The following PRKX variants were observed in gnomAD, a reference collection of about 807,000 sequenced individuals.
PRKX encodes cAMP-dependent protein kinase catalytic subunit PRKX.
In PRKX, 12 loss-of-function variants were observed where a neutral mutation model predicts 22.0. That is an observed-to-expected ratio of 0.54 (90% CI 0.35 to 0.88). The LOEUF is 0.88. PRKX is among the 40% of genes least tolerant of loss of function. The probability of loss-of-function intolerance (pLI) is 0.01; values close to 1 mark genes in which losing one functional copy is unlikely to be tolerated. For missense variants in PRKX, 217 were observed against 308.0 expected (o/e 0.70, Z 2.21); for synonymous variants, 134 against 137.7 (o/e 0.97, Z 0.19).
Position 3,640,646 on chromosome X carries a change from G to A in PRKX, c.719+1206C>T, listed in dbSNP as rs770175602. 8.1e-5 allele frequency among the ~76,000 whole-genome samples: 9 copies of A among 111,628 alleles called. No individual in the cohort carries two copies. The South Asian group carries it at 3.5e-3, about 43-fold the overall frequency. On this transcript the variant is annotated intron_variant, in intron 4 of 8. Coordinates refer to ENST00000262848, the MANE Select transcript of PRKX (RefSeq NM_005044.5). ...CTCACCCAACACAGGTATCACAGGC[G>A]TTGGAACGAGAGTAACTCCATCCTG...
rs145316669 is a variant in PRKX, at chrX:3,662,388, C to A, written c.336-6976G>T. 5.9e-3 allele frequency among the ~76,000 whole-genome samples: 653 copies of A among 110,870 alleles called. 8 individuals are homozygous for A. Among genetic ancestry groups the A allele is most frequent in the African/African-American group, 0.02 (618 of 30,509 alleles). ...CAGCCTAGGCAACAAAGCAAGATCA[C>A]GTCTCTACAAAAAATTAAAAATTAG... On this transcript the variant is annotated intron_variant, in intron 2 of 8. Transcript: ENST00000262848.
intron 1 of PRKX, among the ~76,000 whole-genome samples, chrX:3,700,968 C>T (rs1180149930): frequency 2.7e-5 from 3 of 111,926 alleles, no homozygotes; most frequent in Non-Finnish European, 5.6e-5. Context: ...TGTTTAAGGA[C>T]GAACTAAAGA....
intron 1 of PRKX, among the ~76,000 whole-genome samples, chrX:3,707,587 C>T (rs1323191387): frequency 7.2e-5 from 8 of 110,975 alleles, no homozygotes; most frequent in Admixed American, 3.8e-4. Context: ...GAGACCCTGT[C>T]TCTTTTATTT....
chrX:3,640,808 C>T (rs1603473760), intron 4 of PRKX, among the ~76,000 whole-genome samples: 2 of 111,789 alleles, frequency 1.8e-5, no homozygotes, highest in Admixed American at 9.5e-5. Context: ...AAACAGACTG[C>T]AGTAAAGCCG....
chrX:3,673,095 A>G (rs1927880212), intron 2 of PRKX, among the ~76,000 whole-genome samples: 1 of 111,771 alleles, frequency 8.9e-6, no homozygotes, highest in Non-Finnish European at 1.9e-5. Flanking sequence ...CATTGGGTCT[A>G]GAGGAGAAGG....
chrX:3,667,059 G>A (rs1297021803), intron 2 of PRKX, among the ~76,000 whole-genome samples: 2 of 111,055 alleles, frequency 1.8e-5, no homozygotes, highest in Non-Finnish European at 3.8e-5. Context: ...TCAACATGAA[G>A]AAAGAGTCAA....
intron 1 of PRKX, among the ~76,000 whole-genome samples, chrX:3,688,717 T>TTG: frequency 9.1e-6 from 1 of 109,544 alleles, no homozygotes; most frequent in South Asian, 4.0e-4. Context: ...AAATTTTTTT[T>TTG]AATGAGCCGG....
intron 6 of PRKX, among the ~76,000 whole-genome samples, chrX:3,617,943 A>C (rs1432133365): frequency 2.0e-5 from 2 of 99,927 alleles, no homozygotes; most frequent in African/African-American, 3.7e-5. Flanking sequence ...ACTATACTCT[A>C]TGTTCTTTTT....
rs150343962 is a variant in PRKX, at chrX:3,635,779, T to C, written c.719+6073A>G. Among the ~76,000 whole-genome samples the C allele has an allele frequency of 6.4e-3, 716 of 111,255 alleles. 1 individual carries two copies. Among genetic ancestry groups the C allele is most frequent in the African/African-American group, 0.022 (669 of 30,612 alleles). ...GTTTTATTTTTATTTTTTGTAGAGATGGGGTCCCACTATGTTGCCCAGGCT... is the reference window on the plus strand; with the variant it reads ...GTTTTATTTTTATTTTTTGTAGAGACGGGGTCCCACTATGTTGCCCAGGCT... On this transcript the variant is annotated intron_variant, in intron 4 of 8. Transcript: ENST00000262848.
chrX:3,689,419 C>T (rs1443600607), intron 1 of PRKX, among the ~76,000 whole-genome samples: 1 of 112,167 alleles, frequency 8.9e-6, no homozygotes, highest in Admixed American at 9.5e-5. Flanking sequence ...CATGGTGGCT[C>T]GTGCCTATAA....
intron 7 of PRKX, among the ~76,000 whole-genome samples, chrX:3,613,834 G>A (rs1480095863): frequency 2.9e-5 from 2 of 68,030 alleles, no homozygotes; most frequent in South Asian, 1.3e-3. Context: ...GAGCCTGAGC[G>A]ACAAAGTGAG....
chrX:3,625,547 T>C (rs1926643064), intron 5 of PRKX, among the ~76,000 whole-genome samples: 1 of 110,852 alleles, frequency 9.0e-6, no homozygotes, highest in African/African-American at 3.3e-5. Flanking sequence ...GTTGACCAGA[T>C]TGGGTAAGGT....
Position 3,604,787 on chromosome X carries a change from A to G in PRKX, c.*4182T>C, listed in dbSNP as rs1926125874. On this transcript the variant is annotated 3_prime_UTR_variant, in exon 9 of 9. Coordinates refer to ENST00000262848, the MANE Select transcript of PRKX (RefSeq NM_005044.5). Reference sequence around the variant, plus strand: ...AAGGCTTCAAGTCTCATCTGCTAAAACACAATTGTAATGCCTTTTACATAC... The same window carrying G: ...AAGGCTTCAAGTCTCATCTGCTAAAGCACAATTGTAATGCCTTTTACATAC... 8.9e-6 allele frequency: 1 copy of G among 111,799 alleles called. No homozygotes were observed. Among genetic ancestry groups the G allele is most frequent in the Non-Finnish European group, 1.9e-5 (1 of 53,168 alleles). 9.2% of individuals were successfully genotyped at this position (111,799 alleles called of 1,213,427 possible). A position where few individuals can be genotyped will look rare whatever the true frequency, so the allele number is the denominator to read the frequency against.
chrX:3,679,128 A>G (rs1210358152), intron 1 of PRKX, among the ~76,000 whole-genome samples: 1 of 111,566 alleles, frequency 9.0e-6, no homozygotes, highest in Non-Finnish European at 1.9e-5. Flanking sequence ...ATATTGCATG[A>G]TGCTGAGGTT....
chrX:3,670,849 A>G (rs1190299361), intron 2 of PRKX, among the ~76,000 whole-genome samples: 1 of 111,174 alleles, frequency 9.0e-6, no homozygotes, highest in Non-Finnish European at 1.9e-5. Flanking sequence ...CCAAGTGGCA[A>G]ACTCATTTTC....
At chrX:3,616,883 A>G (rs1311037609) in intron 6 of PRKX, among the ~76,000 whole-genome samples, 1 of 111,422 alleles carries the variant, frequency 9.0e-6, no homozygotes. Context: ...GAGTGCTGTG[A>G]ATAAGAGAAT....
intron 1 of PRKX, among the ~76,000 whole-genome samples, chrX:3,681,477 C>A (rs1284603431): frequency 1.8e-5 from 2 of 108,582 alleles, no homozygotes; most frequent in East Asian, 3.0e-4. Context: ...CACAGTGAGA[C>A]CCCAGCCTCT....
At chrX:3,639,712 G>A (rs892192248) in intron 4 of PRKX, among the ~76,000 whole-genome samples, 2 of 110,791 alleles carry the variant, frequency 1.8e-5, no homozygotes, top group Non-Finnish European at 3.8e-5. Context: ...CTCCTCCTGC[G>A]GCATCTCAGG....
intron 1 of PRKX, among the ~76,000 whole-genome samples, chrX:3,679,234 T>C (rs1190722483): frequency 9.0e-6 from 1 of 110,616 alleles, no homozygotes; most frequent in African/African-American, 3.3e-5. Flanking sequence ...CTTTTTGGAA[T>C]CCCCAGTGTT....
Sources: allele counts gnomAD v4.1 joint callset (sites outside exome capture counted in the v4.1 genomes callset), GRCh38; gene constraint gnomAD v4.1.1; transcripts MANE v1.5; gene names NCBI Gene and HGNC (gene_info 2026-07-23, HGNC 2026-07-21).